The following JAK1 variants were observed in gnomAD, a reference collection of about 807,000 sequenced individuals.
The protein encoded by JAK1 is tyrosine-protein kinase JAK1.
In JAK1, 16 loss-of-function variants were observed where a neutral mutation model predicts 136.6. The observed-to-expected ratio is 0.12, with a 90% confidence interval of 0.08 to 0.18. The LOEUF is 0.18. JAK1 is among the 10% of genes least tolerant of loss of function. The pLI, the probability that JAK1 is intolerant of heterozygous loss-of-function variation, is 1.00. For missense variants in JAK1, 859 were observed against 1,450.1 expected (o/e 0.59, Z 6.62); for synonymous variants, 492 against 519.5 (o/e 0.95, Z 0.72).
chr1:65,036,693 T>C (rs1010976630), intron 2 of JAK1, among the ~76,000 whole-genome samples: 2 of 152,224 alleles, frequency 1.3e-5, no homozygotes, highest in African/African-American at 2.4e-5. Flanking sequence ...AGAAGAGCTG[T>C]GTATGCAAAA....
intron 4 of JAK1, among the ~76,000 whole-genome samples, chr1:64,875,188 C>T (rs899617163): frequency 2.0e-5 from 3 of 152,176 alleles, no homozygotes; most frequent in Non-Finnish European, 2.9e-5. Flanking sequence ...GGAGACAGGT[C>T]GCCCTCCATT....
chr1:64,992,569 G>A (rs1324164806), intron 2 of JAK1: 1 of 151,970 alleles, frequency 6.6e-6, no homozygotes, highest in Non-Finnish European at 1.5e-5. Context: ...TGTTCCCCAA[G>A]TGTCAGGCCA....
chr1:64,961,768 A>G (rs1646286819), intron 1 of JAK1, among the ~76,000 whole-genome samples: 1 of 152,132 alleles, frequency 6.6e-6, no homozygotes, highest in South Asian at 2.1e-4. Flanking sequence ...CTCTTCAAAA[A>G]AGCATTTGAC....
intron 2 of JAK1, among the ~76,000 whole-genome samples, chr1:64,991,131 AAGAT>A (rs1292654320): frequency 6.6e-6 from 1 of 152,308 alleles, no homozygotes. Context: ...CACCAGTACA[AAGAT>A]AGAAGTTATG....
At chr1:64,862,208 G>T (rs986716885) in intron 8 of JAK1, among the ~76,000 whole-genome samples, 6 of 152,146 alleles carry the variant, frequency 3.9e-5, no homozygotes, top group Non-Finnish European at 8.8e-5. Context: ...AGCTGCTCTG[G>T]GTTCAAATCG....
chr1:64,835,674 A>G (rs1211428401), intron 23 of JAK1, among the ~76,000 whole-genome samples, 168 bp from the exon 24 acceptor site: 1 of 152,166 alleles, frequency 6.6e-6, no homozygotes, highest in Non-Finnish European at 1.5e-5. Flanking sequence ...TTAGCTTTCA[A>G]TGATCTGTCT....
Position 64,984,773 on chromosome 1 carries a change from G to C in JAK1, c.-78+59707C>G. ...CTTTGAAGAAGGTAAAGATCAAGAA[G>C]GTAATGAGGAAGTCGGTGAAGATAA... On this transcript the variant is annotated intron_variant, in intron 2 of 25. Transcript: ENST00000671954. The surrounding 1 kb of genome is among the most constrained non-coding windows in gnomAD (Gnocchi z 4.1). 1 of 1,004,036 alleles carries C rather than the reference G, an allele frequency of 1.0e-6. No individual in the cohort carries two copies. The highest frequency in any genetic ancestry group is 1.5e-6 in the Non-Finnish European group (1 of 661,276). The allele number at this position is 1,004,036 out of a possible 1,614,324, so 62.2% of individuals were successfully genotyped here.
In JAK1 at chr1:64,867,014, T is replaced by C; in HGVS notation, c.842A>G (p.Tyr281Cys). 1 of 1,614,276 alleles carries C rather than the reference T, an allele frequency of 6.2e-7. No homozygotes were observed. The highest frequency in any genetic ancestry group is 8.5e-7 in the Non-Finnish European group (1 of 1,180,038). The change falls in exon 7 of 25, where the codon TAC becomes TGC. Residue 281 changes from tyrosine (Y) to cysteine (C), a missense_variant. Coordinates refer to ENST00000342505, the MANE Select transcript of JAK1 (RefSeq NM_002227.4). ...GGAAGTCTCAAATATTTCAGCACCG[T>C]AATGTTTTGTCAAAGTTTCCAAGGT... ...LATLETLTKH[Y>C]GAEIFETSML...
chr1:64,950,960 T>G (rs1646075088), intron 1 of JAK1, among the ~76,000 whole-genome samples: 1 of 152,196 alleles, frequency 6.6e-6, no homozygotes, highest in African/African-American at 2.4e-5. Flanking sequence ...TATTCTCAGG[T>G]GACTTCAATT....
chr1:64,998,343 GT>G (rs1427208873), intron 2 of JAK1, among the ~76,000 whole-genome samples: 2 of 152,172 alleles, frequency 1.3e-5, no homozygotes, highest in African/African-American at 4.8e-5. Context: ...AGGCATTTGA[GT>G]TTTTAACCCT....
rs960706478 is a variant in JAK1 at position 64,865,712 on chromosome 1, G to A, written c.991-740C>T. The stretch of plus-strand genomic sequence containing the variant: ...CCCTCAGTAAGTATCAAGCATTATT[G>A]TTTTAGCATGAGAATAAAACAGGAG... On this transcript the variant is annotated intron_variant, in intron 7 of 24. Transcript: ENST00000342505. 3.9e-5 allele frequency among the ~76,000 whole-genome samples: 6 copies of A among 152,170 alleles called. No homozygotes were observed. The East Asian group carries it at 9.6e-4, about 24-fold the overall frequency.
chr1:64,956,683 G>A (rs1646193911), intron 1 of JAK1, among the ~76,000 whole-genome samples: 1 of 152,172 alleles, frequency 6.6e-6, no homozygotes, highest in Non-Finnish European at 1.5e-5. Context: ...AGTGTCCCCA[G>A]TGCCTTGAAT....
At chr1:64,999,395 T>G (rs1453143047) in intron 2 of JAK1, among the ~76,000 whole-genome samples, 1 of 152,192 alleles carries the variant, frequency 6.6e-6, no homozygotes, top group Non-Finnish European at 1.5e-5. Context: ...TTTCTCATCC[T>G]TCCTCAGTAC....
intron 2 of JAK1, among the ~76,000 whole-genome samples, chr1:65,041,225 T>TGGAAAAAGCTATTTACGCGC (rs1553183823): frequency 1.3e-5 from 2 of 152,042 alleles, no homozygotes; most frequent in Non-Finnish European, 2.9e-5. Flanking sequence ...CCGCGCCAAG[T>TGGAAAAAGCTATTTACGCGC]GGAAAAAGCT....
intron 1 of JAK1, chr1:65,066,899 G>C (rs548155942): frequency 6.6e-6 from 1 of 152,544 alleles, no homozygotes; most frequent in Admixed American, 6.5e-5. Context: ...CGGGGGAAAA[G>C]CGAGTGCGCA....
chr1:64,867,802 C>T (rs1434314566), intron 6 of JAK1, among the ~76,000 whole-genome samples: 1 of 152,112 alleles, frequency 6.6e-6, no homozygotes, highest in African/African-American at 2.4e-5. Context: ...ACCAGCTTGA[C>T]CAACATGGAG....
intron 1 of JAK1, among the ~76,000 whole-genome samples, chr1:64,934,889 C>T (rs10889509): frequency 0.21 from 31,859 of 152,152 alleles, 4,026 homozygotes; most frequent in East Asian, 0.53. Flanking sequence ...ATAGTAAGTG[C>T]TCATCAGATG....
chr1:65,038,952 G>C (rs1159488514), intron 2 of JAK1, among the ~76,000 whole-genome samples: 11 of 151,728 alleles, frequency 7.2e-5, no homozygotes, highest in Non-Finnish European at 1.0e-4. Context: ...GTGTGTGTGT[G>C]TGTGTGTGTG....
intron 2 of JAK1, among the ~76,000 whole-genome samples, chr1:64,977,521 C>A (rs1420234394): frequency 6.6e-6 from 1 of 151,178 alleles, no homozygotes; most frequent in African/African-American, 2.4e-5. Flanking sequence ...AGCTCTGCCT[C>A]CTGGGTTCCT....
Sources: gnomAD v4.1 joint callset for allele counts (sites outside exome capture counted in the v4.1 genomes callset) on GRCh38, gnomAD v4.1.1 for gene constraint, Gnocchi (gnomAD v3.1) non-coding constraint, MANE v1.5 for transcripts, NCBI Gene and HGNC (gene_info 2026-07-23, HGNC 2026-07-21) for gene names.